Variants in MYO16 observed in about 807,000 individuals in gnomAD.
MYO16 encodes unconventional myosin-XVI.
Under a neutral mutation model 205.3 loss-of-function variants are expected in MYO16, and 94 were observed. The ratio of observed to expected loss-of-function variants is 0.46; its 90% CI spans 0.39 to 0.54. MYO16 has a LOEUF of 0.54. Ranked by LOEUF, MYO16 falls within the 20% of genes least tolerant of loss-of-function variation. The pLI is 0.00. For synonymous variants in MYO16, 988 were observed against 954.0 expected, an observed-to-expected ratio of 1.04 and a Z score of -0.66; for missense variants, 2,315 against 2,387.5, an observed-to-expected ratio of 0.97 and a Z score of 0.63.
intron 11 of MYO16, among the ~76,000 whole-genome samples, chr13:108,865,279 T>C (rs1340742474): frequency 1.3e-5 from 2 of 151,980 alleles, no homozygotes; most frequent in Admixed American, 1.3e-4. Context: ...TCCACTATAA[T>C]TGTGAACTCA....
At chr13:108,970,042 A>T (rs1883950175) in intron 20 of MYO16, among the ~76,000 whole-genome samples, 1 of 152,222 alleles carries the variant, frequency 6.6e-6, no homozygotes, top group Admixed American at 6.5e-5. Context: ...TGCTTAAGAA[A>T]ATTGCAAACC....
the MYO16 span, among the ~76,000 whole-genome samples, chr13:108,496,546 C>T: frequency 6.6e-6 from 1 of 152,082 alleles, no homozygotes; most frequent in Non-Finnish European, 1.5e-5. Flanking sequence ...CAGTCTCACC[C>T]GGGGGGCGTC....
chr13:108,864,926 C>A (rs1030519780), intron 11 of MYO16, among the ~76,000 whole-genome samples: 2 of 152,084 alleles, frequency 1.3e-5, no homozygotes, highest in African/African-American at 2.4e-5. Context: ...TTATCTTTTT[C>A]TTTTGTAGTA....
rs559432171 is a variant in MYO16, at chr13:108,622,583, A to T, written c.-39+26344A>T. Among the ~76,000 whole-genome samples, 3 of 147,714 alleles carry T rather than the reference A, an allele frequency of 2.0e-5. No individual in the cohort carries two copies. The South Asian group carries it at 6.7e-4, about 33-fold the overall frequency. On this transcript the variant is annotated intron_variant, in intron 1 of 24. Transcript: ENST00000251041. ...CTCTGAGAAGTCCTTCCAGTTATTT[A>T]TGGGAGTGTGAAGTATGGAGAGAGA...
chr13:108,501,344 C>G, the MYO16 span, among the ~76,000 whole-genome samples: 1 of 152,314 alleles, frequency 6.6e-6, no homozygotes, highest in East Asian at 1.9e-4. Flanking sequence ...CTTAGGGACC[C>G]TCTATCTCAC....
the MYO16 span, among the ~76,000 whole-genome samples, chr13:108,532,066 C>G: frequency 6.6e-6 from 1 of 151,902 alleles, no homozygotes; most frequent in South Asian, 2.1e-4. Context: ...ATTAGCCAGG[C>G]GTAGTGGTGC....
intron 23 of MYO16, among the ~76,000 whole-genome samples, chr13:109,023,074 T>TTA (rs537515422): frequency 0.011 from 1,522 of 132,882 alleles, 35 homozygotes; most frequent in African/African-American, 0.04. Context: ...TATTTATATA[T>TTA]TATATATACA....
rs201980382 is a variant in MYO16 at position 109,039,022 on chromosome 13, GT to G, written c.2797-7891del. Among the ~76,000 whole-genome samples, 1,486 of 152,276 alleles carry G rather than the reference GT, an allele frequency of 9.8e-3. 18 individuals carry two copies. The highest frequency in any genetic ancestry group is 0.036 in the South Asian group (175 of 4,822). The stretch of plus-strand genomic sequence containing the variant: ...GCTATGTAGGAAGCAGTAAAGAAGT[GT>G]TTCAGCCCATTCCACTGCTCATCCC... On this transcript the variant is annotated intron_variant, in intron 23 of 34. Coordinates refer to ENST00000457511, the MANE Select transcript of MYO16 (RefSeq NM_001198950.3).
intron 2 of MYO16, among the ~76,000 whole-genome samples, chr13:108,702,525 CT>C (rs1478738848): frequency 1.3e-5 from 2 of 152,134 alleles, no homozygotes. Flanking sequence ...ACTAACAGGT[CT>C]GCCCTTCATG....
At chr13:108,966,378 T>C (rs899736518) in intron 20 of MYO16, among the ~76,000 whole-genome samples, 4 of 152,220 alleles carry the variant, frequency 2.6e-5, no homozygotes, top group African/African-American at 9.6e-5. Context: ...TAGAAACTTC[T>C]AGAAAATTTT....
chr13:109,125,366 C>G lies in MYO16; in HGVS notation c.3782+8C>G, dbSNP rs747019904. ...AGAGGAAGGAAGCAAAAGGTAAAGGCAGAGAGCATGCAATTTTAATTACCT... is the reference window on the plus strand; with the variant it reads ...AGAGGAAGGAAGCAAAAGGTAAAGGGAGAGAGCATGCAATTTTAATTACCT... On this transcript the variant is annotated splice_region_variant and intron_variant, in intron 30 of 34. Coordinates refer to ENST00000457511, the MANE Select transcript of MYO16 (RefSeq NM_001198950.3). The surrounding 1 kb of genome is among the most constrained non-coding windows in gnomAD (Gnocchi z 4.0). The G allele has an allele frequency of 1.2e-6, 2 of 1,613,554 alleles. No individual in the cohort carries two copies. The highest frequency in any genetic ancestry group is 1.1e-5 in the South Asian group (1 of 90,940).
At chr13:109,023,709 A>ATACATATATATGTATATATCTATATAT (rs571275985) in intron 23 of MYO16, among the ~76,000 whole-genome samples, 1 of 124,144 alleles carries the variant, frequency 8.1e-6, no homozygotes, top group Non-Finnish European at 1.6e-5. Context: ...ATATGTATAT[A>ATACATATATATGTATATATCTATATAT]TACAAATATA....
chr13:108,936,276 T>C (rs1358772842), intron 16 of MYO16, among the ~76,000 whole-genome samples: 2 of 152,068 alleles, frequency 1.3e-5, no homozygotes, highest in Non-Finnish European at 2.9e-5. Context: ...CAATTTTTTC[T>C]ATAGTTTCAT....
At chr13:108,630,249 G>A (rs1296605123) in intron 1 of MYO16, among the ~76,000 whole-genome samples, 1 of 151,948 alleles carries the variant, frequency 6.6e-6, no homozygotes, top group African/African-American at 2.4e-5. Flanking sequence ...ATTAATATAT[G>A]GCTGAGGTCA....
chr13:108,833,581 T>C (rs543445292), intron 9 of MYO16, among the ~76,000 whole-genome samples: 2 of 152,312 alleles, frequency 1.3e-5, no homozygotes, highest in African/African-American at 4.8e-5. Flanking sequence ...GATTCCATTT[T>C]ATTTCATCTC....
At chr13:108,953,240 A>G (rs1334907400) in intron 16 of MYO16, among the ~76,000 whole-genome samples, 1 of 152,244 alleles carries the variant, frequency 6.6e-6, no homozygotes, top group Non-Finnish European at 1.5e-5. Flanking sequence ...TCTGAGGAGT[A>G]TAGAAAAGCA....
chr13:108,701,477 A>G (rs1295235976), intron 2 of MYO16, among the ~76,000 whole-genome samples: 2 of 152,148 alleles, frequency 1.3e-5, no homozygotes, highest in Non-Finnish European at 2.9e-5. Context: ...ACCTTACACC[A>G]TTGGATGACC....
chr13:108,616,923 C>T (rs554860711), intron 1 of MYO16, among the ~76,000 whole-genome samples: 101 of 152,174 alleles, frequency 6.6e-4, no homozygotes, highest in African/African-American at 2.4e-3. Flanking sequence ...GGGCTTGAAA[C>T]CTGCGAATGG....
chr13:108,899,522 T>C (rs563413188), intron 15 of MYO16, among the ~76,000 whole-genome samples: 5 of 152,366 alleles, frequency 3.3e-5, no homozygotes, highest in African/African-American at 1.2e-4. Flanking sequence ...CAATCATTTA[T>C]TGGTTTTTTA....
Sources: gnomAD v4.1 joint callset for allele counts (sites outside exome capture counted in the v4.1 genomes callset) on GRCh38, gnomAD v4.1.1 for gene constraint, Gnocchi (gnomAD v3.1) non-coding constraint, MANE v1.5 for transcripts, NCBI Gene and HGNC (gene_info 2026-07-23, HGNC 2026-07-21) for gene names.